Variants in MBD5 observed in about 807,000 individuals in gnomAD.
The protein encoded by MBD5 is methyl-CpG-binding domain protein 5.
MBD5 carries 13 observed loss-of-function variants against 117.3 expected under a neutral mutation model. The ratio of observed to expected loss-of-function variants is 0.11; its 90% CI spans 0.07 to 0.18. MBD5 has a LOEUF of 0.18. Ranked by LOEUF, MBD5 falls within the 10% of genes least tolerant of loss-of-function variation. The pLI is 1.00. For missense variants in MBD5, 1,879 were observed against 2,093.8 expected, an observed-to-expected ratio of 0.90 and a Z score of 2.00; for synonymous variants, 727 against 766.4, an observed-to-expected ratio of 0.95 and a Z score of 0.85.
At chr2:148,078,855 C>T (rs1337415934) in intron 1 of MBD5, among the ~76,000 whole-genome samples, 1 of 152,132 alleles carries the variant, frequency 6.6e-6, no homozygotes, top group African/African-American at 2.4e-5. Context: ...AGCCAATAAT[C>T]CTGACTTTAT....
At chr2:148,440,841 G>GT in intron 4 of MBD5, among the ~76,000 whole-genome samples, 1 of 152,162 alleles carries the variant, frequency 6.6e-6, no homozygotes, top group South Asian at 2.1e-4. Flanking sequence ...ATGGGGAGAA[G>GT]TTTTTTTTCT....
At chr2:148,427,084 A>G (rs1408641145) in intron 4 of MBD5, among the ~76,000 whole-genome samples, 1 of 152,230 alleles carries the variant, frequency 6.6e-6, no homozygotes, top group East Asian at 1.9e-4. Context: ...GAGAAATGCA[A>G]ATCAAAACCA....
chr2:148,221,674 G>T (rs1699690324), intron 2 of MBD5, among the ~76,000 whole-genome samples: 1 of 151,952 alleles, frequency 6.6e-6, no homozygotes, highest in South Asian at 2.1e-4. Flanking sequence ...CTAGTCTGAT[G>T]GGTAGTTTGC....
chr2:148,114,202 G>T (rs898060046), intron 1 of MBD5, among the ~76,000 whole-genome samples: 1 of 152,172 alleles, frequency 6.6e-6, no homozygotes, highest in Non-Finnish European at 1.5e-5. Flanking sequence ...AGGCATGGTG[G>T]CTCACACCTG....
intron 4 of MBD5, among the ~76,000 whole-genome samples, chr2:148,385,762 A>G (rs1031893342): frequency 2.4e-5 from 3 of 126,724 alleles, no homozygotes; most frequent in African/African-American, 8.8e-5. Flanking sequence ...CATATACACC[A>G]TGGAATACTA....
At chr2:148,121,286 T>C (rs1696762080) in intron 1 of MBD5, among the ~76,000 whole-genome samples, 1 of 152,192 alleles carries the variant, frequency 6.6e-6, no homozygotes. Context: ...TTGGTCGTTA[T>C]TAAGAATATG....
At chr2:148,030,993 G>C (rs1447682206) in intron 1 of MBD5, among the ~76,000 whole-genome samples, 1 of 152,106 alleles carries the variant, frequency 6.6e-6, no homozygotes, top group South Asian at 2.1e-4. Context: ...ACTTCTCACT[G>C]TCCTGGAAAA....
chr2:148,170,388 G>T (rs1698234240), intron 1 of MBD5, among the ~76,000 whole-genome samples: 1 of 152,182 alleles, frequency 6.6e-6, no homozygotes, highest in Non-Finnish European at 1.5e-5. Flanking sequence ...AAACAAATCT[G>T]TGGATTGCAT....
At chr2:148,121,794 T>C (rs1420141389) in intron 1 of MBD5, among the ~76,000 whole-genome samples, 1 of 152,140 alleles carries the variant, frequency 6.6e-6, no homozygotes, top group African/African-American at 2.4e-5. Flanking sequence ...CTGAAAAAAC[T>C]ACATTTCTAG....
chr2:148,080,446 A>G (rs1218745420), intron 1 of MBD5, among the ~76,000 whole-genome samples: 1 of 152,214 alleles, frequency 6.6e-6, no homozygotes, highest in African/African-American at 2.4e-5. Flanking sequence ...TGAAGTACAT[A>G]TTCATGATAA....
chr2:148,210,896 G>A (rs1230229668), intron 2 of MBD5, among the ~76,000 whole-genome samples: 1 of 151,904 alleles, frequency 6.6e-6, no homozygotes, highest in Non-Finnish European at 1.5e-5. Context: ...CCTGTCTTTA[G>A]ATAGTTCCCT....
At chr2:148,415,984 T>C (rs963449338) in intron 4 of MBD5, among the ~76,000 whole-genome samples, 1 of 152,184 alleles carries the variant, frequency 6.6e-6, no homozygotes, top group Non-Finnish European at 1.5e-5. Flanking sequence ...TCAAGCCTGA[T>C]TAAAAACCAG....
chr2:148,187,813 T>C (rs74264278), intron 2 of MBD5, among the ~76,000 whole-genome samples: 1,999 of 152,132 alleles, frequency 0.013, 56 homozygotes, highest in Admixed American at 0.06. Context: ...AAAATGATGC[T>C]AGATGGAAAC....
At chr2:148,038,267 G>A (rs1694251572) in intron 1 of MBD5, among the ~76,000 whole-genome samples, 1 of 151,864 alleles carries the variant, frequency 6.6e-6, no homozygotes, top group Non-Finnish European at 1.5e-5. Flanking sequence ...TTTTATGCTT[G>A]TTTTATACAT....
At chr2:148,503,896 C>A (rs1321479717) in intron 12 of MBD5, among the ~76,000 whole-genome samples, 1 of 152,222 alleles carries the variant, frequency 6.6e-6, no homozygotes, top group East Asian at 1.9e-4. Flanking sequence ...AACTATTCAA[C>A]AGTACCCATT....
chr2:148,334,753 A>G (rs895152305), intron 3 of MBD5, among the ~76,000 whole-genome samples: 7 of 151,992 alleles, frequency 4.6e-5, no homozygotes, highest in Non-Finnish European at 2.9e-5. Context: ...GATACTGTTG[A>G]TTTTTCTTAT....
At chr2:148,171,763 A>G (rs1698269731) in intron 1 of MBD5, among the ~76,000 whole-genome samples, 1 of 152,252 alleles carries the variant, frequency 6.6e-6, no homozygotes, top group Non-Finnish European at 1.5e-5. Context: ...CAAGTACAGT[A>G]AAGTTGCAGG....
At chr2:148,392,839 C>G (rs181247413) in intron 4 of MBD5, among the ~76,000 whole-genome samples, 11 of 152,178 alleles carry the variant, frequency 7.2e-5, no homozygotes, top group Non-Finnish European at 1.5e-4. Context: ...ATACAGTGAG[C>G]TTAGGAATTA....
At chr2:148,471,408 T>C (rs1680791793) in intron 8 of MBD5, 1 of 152,072 alleles carries the variant, frequency 6.6e-6, no homozygotes, top group Admixed American at 6.6e-5. Context: ...TTATGAGAAA[T>C]GACAAGGAGG....
Sources: gnomAD v4.1 joint callset for allele counts (sites outside exome capture counted in the v4.1 genomes callset) on GRCh38, gnomAD v4.1.1 for gene constraint, MANE v1.5 for transcripts, NCBI Gene and HGNC (gene_info 2026-07-23, HGNC 2026-07-21) for gene names.